The following UTP20 variants were observed in gnomAD, a reference collection of about 807,000 sequenced individuals.
UTP20 encodes the protein UTP20 small subunit processome component.
In UTP20, 164 loss-of-function variants were observed where a neutral mutation model predicts 329.5. The observed-to-expected ratio is 0.50, with a 90% CI of 0.44 to 0.57. The LOEUF (loss-of-function observed/expected upper bound fraction) is 0.57. Ranked by LOEUF, UTP20 falls within the 20% of genes least tolerant of loss-of-function variation. The pLI is 0.00. For synonymous variants in UTP20, 1,151 were observed against 1,159.3 expected, an observed-to-expected ratio of 0.99 and a Z score of 0.14; for missense variants, 3,055 against 3,284.2, an observed-to-expected ratio of 0.93 and a Z score of 1.71.
intron 21 of UTP20, among the ~76,000 whole-genome samples, chr12:101,315,290 C>T (rs1437471647): frequency 6.6e-6 from 1 of 152,010 alleles, no homozygotes; most frequent in Non-Finnish European, 1.5e-5. Context: ...TCAAGATCAG[C>T]CTGGCCAATA....
At position 101,356,936 on chromosome 12, in the gene UTP20, A is replaced by G. The variant is rs1450586058; in HGVS notation, c.5545A>G (p.Lys1849Glu). ...MEANLPSILL[K>E]VCALLKNRAQ... ...CTTCTCATTTTCTAGTATTTTGCTG[A>G]AAGTGTGTGCCCTACTCAAGAACAG... The change falls in exon 43 of 62, where the codon AAA becomes GAA. Residue 1849 changes from lysine to glutamate, a missense_variant. Lys to Glu is a moderately conservative substitution (Grantham distance 56). Around this residue, in one of 3 missense-constraint regions of UTP20, gnomAD observed 2,445 missense variants for 2,575.5 expected, o/e 0.95. Coordinates refer to ENST00000261637, the MANE Select transcript of UTP20 (RefSeq NM_014503.3). 2.5e-6 allele frequency: 4 copies of G among 1,603,040 alleles called. No homozygotes were observed. Among genetic ancestry groups the G allele is most frequent in the Non-Finnish European group, 3.4e-6 (4 of 1,177,190 alleles).
chr12:101,350,486 G>T (rs533396634), intron 38 of UTP20, among the ~76,000 whole-genome samples: 2 of 152,244 alleles, frequency 1.3e-5, no homozygotes, highest in Admixed American at 1.3e-4. Context: ...CAGACATTAT[G>T]AATTTTACCT....
chr12:101,349,603 T>C (rs1483105529), intron 38 of UTP20, among the ~76,000 whole-genome samples: 2 of 152,056 alleles, frequency 1.3e-5, no homozygotes, highest in African/African-American at 4.8e-5. Flanking sequence ...GACTCTTGAC[T>C]AATTTTATTA....
chr12:101,382,788 T>C (rs965988931), intron 58 of UTP20, among the ~76,000 whole-genome samples: 5 of 148,818 alleles, frequency 3.4e-5, no homozygotes, highest in South Asian at 2.1e-4. Context: ...GGGAGGGGGA[T>C]GTCACAGTGA....
Position 101,281,115 on chromosome 12 carries a change from G to C in UTP20, c.46-1G>C. The stretch of plus-strand genomic sequence containing the variant: ...TATCTTAAATATACTTTCCCTTCCA[G>C]TTTCTTACATTTGCTGAACGACTGG... On this transcript the variant is annotated splice_acceptor_variant, in intron 1 of 61. Transcript: ENST00000261637. LOFTEE classifies it high-confidence loss of function. The C allele has an allele frequency of 6.2e-7, 1 of 1,610,272 alleles. No individual in the cohort carries two copies. Among genetic ancestry groups the C allele is most frequent in the African/African-American group, 1.3e-5 (1 of 74,884 alleles).
intron 15 of UTP20, among the ~76,000 whole-genome samples, chr12:101,303,327 G>C (rs1270684092): frequency 2.6e-5 from 4 of 152,174 alleles, no homozygotes; most frequent in Non-Finnish European, 5.9e-5. Context: ...ACTATATAGC[G>C]TGTTAGGAGG....
chr12:101,386,260 A>C lies in UTP20; in HGVS notation c.*137A>C. The C allele has an allele frequency of 1.3e-6, 1 of 772,888 alleles. No individual in the cohort carries two copies. The highest frequency in any genetic ancestry group is 2.0e-6 in the Non-Finnish European group (1 of 495,266). 47.9% of individuals were successfully genotyped at this position (772,888 alleles called of 1,614,324 possible). On this transcript the variant is annotated 3_prime_UTR_variant, in exon 62 of 62. Coordinates refer to ENST00000261637, the MANE Select transcript of UTP20 (RefSeq NM_014503.3). ...GGTCTCACTCTGTCACCCAAGGTGG[A>C]GTGCAGTGACGACATCACAGCTCAC...
In UTP20 at chr12:101,370,544, C is replaced by T. The variant is rs745713661; in HGVS notation, c.6668C>T (p.Thr2223Ile). ...EDIYDTSRQA[T>I]AFGLLKAILS... ...ATTTATGATACTTCAAGACAAGCCA[C>T]TGCCTTTGGTCTTCTGAAGGTATGC... Residue 2223 changes from threonine to isoleucine, a missense_variant, in exon 50 of 62, where the codon ACT becomes ATT. Thr to Ile is a moderately conservative substitution (Grantham distance 89). This residue lies in a region of UTP20 where 273 missense variants were observed against 363.1 expected (regional missense o/e 0.75). Transcript: ENST00000261637. 6.8e-6 allele frequency: 11 copies of T among 1,613,456 alleles called. No homozygotes were observed. The highest frequency in any genetic ancestry group is 8.5e-6 in the Non-Finnish European group (10 of 1,179,728).
rs768818032 is a variant in UTP20 at position 101,295,599 on chromosome 12, C to G, written c.1371C>G (p.Pro457=). The G allele has an allele frequency of 3.7e-5, 59 of 1,613,180 alleles. No homozygotes were observed. In the Middle Eastern group the frequency reaches 6.6e-4, roughly 18 times the overall value. The part of the protein sequence containing the change: ...AKLILNKAAP[P]TAGSMAIEKY... ...TCATTCTGAACAAAGCAGCACCTCC[C>G]ACTGCTGGCTCGATGGCAATTGAAA... The change falls in exon 12 of 62, where the codon CCC becomes CCG. Residue 457 remains proline, a synonymous_variant. Coordinates refer to ENST00000261637, the MANE Select transcript of UTP20 (RefSeq NM_014503.3).
At chr12:101,365,067 G>T (rs1870047699) in intron 45 of UTP20, among the ~76,000 whole-genome samples, 1 of 101,184 alleles carries the variant, frequency 9.9e-6, no homozygotes, top group Non-Finnish European at 1.8e-5. Flanking sequence ...AATACATTTT[G>T]TTGATTGTGT....
intron 26 of UTP20, 130 bp from the exon 27 acceptor site, chr12:101,329,111 T>C: frequency 1.3e-6 from 1 of 791,988 alleles, no homozygotes; most frequent in Non-Finnish European, 2.0e-6. Context: ...AAGTGCATTG[T>C]CATCTATAAA....
intron 27 of UTP20, among the ~76,000 whole-genome samples, chr12:101,330,860 A>G (rs1432625849): frequency 1.3e-5 from 2 of 152,236 alleles, no homozygotes; most frequent in Non-Finnish European, 1.5e-5. Context: ...GTTGACAGAT[A>G]GGAGCTTTCT....
chr12:101,295,364 G>A (rs898841000), intron 11 of UTP20, 116 bp from the exon 12 acceptor site: 7 of 915,902 alleles, frequency 7.6e-6, no homozygotes, highest in Non-Finnish European at 1.1e-5. Context: ...CCTATGTAGA[G>A]GTCTAATGCC....
Position 101,306,752 on chromosome 12 carries a change from A to G in UTP20, c.1986A>G (p.Glu662=). 1 of 1,605,212 alleles carries G rather than the reference A, an allele frequency of 6.2e-7. No homozygotes were observed. Among genetic ancestry groups the G allele is most frequent in the Non-Finnish European group, 8.5e-7 (1 of 1,175,150 alleles). Reference sequence around the variant, plus strand: ...ACCATTTTGATGTCCAGCTTCCAGAATCAATGGAGGTATTTTAACTGTTTG... The same window carrying G: ...ACCATTTTGATGTCCAGCTTCCAGAGTCAATGGAGGTATTTTAACTGTTTG... ...ILNHFDVQLP[E]SMEDDGLSER... is the part of the protein sequence containing the mutation. The change falls in exon 17 of 62, where the codon GAA becomes GAG. Residue 662 remains glutamate, a synonymous_variant. Coordinates refer to ENST00000261637, the MANE Select transcript of UTP20 (RefSeq NM_014503.3).
intron 58 of UTP20, 138 bp downstream of exon 58, chr12:101,381,349 A>G (rs1381311197): frequency 1.5e-6 from 1 of 686,298 alleles, no homozygotes; most frequent in African/African-American, 1.8e-5. Context: ...CCTGGCCAAC[A>G]TGGCGAAACC....
At position 101,334,455 on chromosome 12, in the gene UTP20, TCTC is replaced by T. The variant is rs1230277128; in HGVS notation, c.3595_3597del (p.Pro1199del). On this transcript the variant is annotated inframe_deletion, in exon 29 of 62. Coordinates refer to ENST00000261637, the MANE Select transcript of UTP20 (RefSeq NM_014503.3). ...CAGGCTTGGATCTGAGAGTCAATAT[TCTC>T]CTACTCCTCTGCTGAAACTGATCAG... 3 of 1,612,248 alleles carry T rather than the reference TCTC, an allele frequency of 1.9e-6. No homozygotes were observed. The highest frequency in any genetic ancestry group is 1.3e-5 in the African/African-American group (1 of 74,944).
At chr12:101,280,971 A>T (rs1871777757) in intron 1 of UTP20, 145 bp from the exon 2 acceptor site, 1 of 621,222 alleles carries the variant, frequency 1.6e-6, no homozygotes, top group Non-Finnish European at 2.7e-6. Context: ...TGATGCAGTA[A>T]ATTTGTTTAC....
intron 29 of UTP20, among the ~76,000 whole-genome samples, chr12:101,337,077 G>A (rs1028107104): frequency 3.9e-5 from 6 of 152,304 alleles, no homozygotes; most frequent in East Asian, 1.9e-4. Context: ...ACCACTGTGC[G>A]TTCTTTTGGT....
In UTP20 at chr12:101,329,323, C is replaced by G. The variant is rs762704658; in HGVS notation, c.3291C>G (p.Ile1097Met). The G allele has an allele frequency of 1.2e-6, 2 of 1,614,146 alleles. No individual in the cohort carries two copies. Among genetic ancestry groups the G allele is most frequent in the Non-Finnish European group, 1.7e-6 (2 of 1,180,030 alleles). Residue 1097 changes from isoleucine (I) to methionine (M), a missense_variant, in exon 27 of 62, where the codon ATC becomes ATG. Transcript: ENST00000261637. ...TTCCTTTAGGTCGTCAGCACGGTATCTTAAACAGCCTTGAGATAGTATTGA... is the reference window on the plus strand; with the variant it reads ...TTCCTTTAGGTCGTCAGCACGGTATGTTAAACAGCCTTGAGATAGTATTGA... ...KVLPLGRQHG[I>M]LNSLEIVLKN...
Sources: gnomAD v4.1 joint callset for allele counts (sites outside exome capture counted in the v4.1 genomes callset) on GRCh38, gnomAD v4.1.1 for gene constraint, gnomAD v4.1.1 regional missense constraint, MANE v1.5 for transcripts, NCBI Gene and HGNC (gene_info 2026-07-23, HGNC 2026-07-21) for gene names.